Variants in NKAIN2 observed in about 807,000 individuals in gnomAD.
The protein encoded by NKAIN2 is sodium/potassium-transporting ATPase subunit beta-1-interacting protein 2.
Under a neutral mutation model 32.6 loss-of-function variants are expected in NKAIN2, and 14 were observed. The observed-to-expected ratio is 0.43, with a 90% confidence interval of 0.28 to 0.67. The LOEUF (loss-of-function observed/expected upper bound fraction) is 0.67, where lower values mean the gene tolerates loss of function less well. Ranked by LOEUF, NKAIN2 falls within the 30% of genes least tolerant of loss-of-function variation. NKAIN2 has a pLI of 0.17. For missense variants in NKAIN2, 198 were observed against 258.3 expected, an observed-to-expected ratio of 0.77 and a Z score of 1.60; for synonymous variants, 80 against 87.2, an observed-to-expected ratio of 0.92 and a Z score of 0.46.
intron 4 of NKAIN2, among the ~76,000 whole-genome samples, chr6:124,684,157 G>T (rs1340260735): frequency 6.6e-6 from 1 of 152,082 alleles, no homozygotes; most frequent in Non-Finnish European, 1.5e-5. Flanking sequence ...CCTGCAATCT[G>T]GTATCTTCAA....
intron 1 of NKAIN2, among the ~76,000 whole-genome samples, chr6:123,888,820 G>A (rs1773858905): frequency 6.6e-6 from 1 of 152,068 alleles, no homozygotes; most frequent in Non-Finnish European, 1.5e-5. Context: ...CTTAGGGACT[G>A]TCCATACTTG....
intron 3 of NKAIN2, among the ~76,000 whole-genome samples, chr6:124,500,513 G>A: frequency 6.6e-6 from 1 of 152,020 alleles, no homozygotes; most frequent in East Asian, 1.9e-4. Flanking sequence ...AATTAGCTGG[G>A]CGCAATTGCT....
chr6:124,329,273 G>A (rs957086436), intron 2 of NKAIN2, among the ~76,000 whole-genome samples: 4 of 152,174 alleles, frequency 2.6e-5, no homozygotes, highest in African/African-American at 9.7e-5. Flanking sequence ...ATTAGCAAGC[G>A]ATGCCTCATT....
chr6:124,411,733 T>C (rs1774195172), intron 3 of NKAIN2, among the ~76,000 whole-genome samples: 1 of 152,214 alleles, frequency 6.6e-6, no homozygotes, highest in Non-Finnish European at 1.5e-5. Context: ...TGGCCTGCCT[T>C]GCTAGATTGG....
chr6:124,367,395 G>A (rs1162958493), intron 3 of NKAIN2, among the ~76,000 whole-genome samples: 2 of 152,052 alleles, frequency 1.3e-5, no homozygotes, highest in African/African-American at 2.4e-5. Flanking sequence ...TACAGCTGCT[G>A]GGGACTTTTT....
intron 3 of NKAIN2, among the ~76,000 whole-genome samples, chr6:124,602,400 CGAT>C (rs1562278904): frequency 6.6e-6 from 1 of 151,906 alleles, no homozygotes; most frequent in Admixed American, 6.6e-5. Context: ...CAAGTATAAA[CGAT>C]GATTATTTAA....
At chr6:124,319,599 T>C (rs563828086) in intron 2 of NKAIN2, among the ~76,000 whole-genome samples, 1 of 152,268 alleles carries the variant, frequency 6.6e-6, no homozygotes, top group South Asian at 2.1e-4. Context: ...TCTGCTCTTT[T>C]TGAATCTCAG....
At chr6:124,197,202 C>T (rs1164703203) in intron 1 of NKAIN2, among the ~76,000 whole-genome samples, 2 of 151,776 alleles carry the variant, frequency 1.3e-5, no homozygotes, top group Non-Finnish European at 2.9e-5. Context: ...TTATTTTTCT[C>T]TATGCTAAAT....
Position 123,804,073 on chromosome 6 carries a change from G to C in NKAIN2, c.-128G>C, listed in dbSNP as rs1038725887. ...GTCACTTCCCAGGACGCTGGCAGCA[G>C]CAGCAGCCCGGAGCCCCCGAGCCCT... On this transcript the variant is annotated 5_prime_UTR_variant, in exon 1 of 7. Coordinates refer to ENST00000368417, the MANE Select transcript of NKAIN2 (RefSeq NM_001040214.3). 1 of 860,792 alleles carries C rather than the reference G, an allele frequency of 1.2e-6. No homozygotes were observed. Among genetic ancestry groups the C allele is most frequent in the African/African-American group, 1.7e-5 (1 of 60,470 alleles). 53.3% of individuals were successfully genotyped at this position (860,792 alleles called of 1,614,324 possible). A position where few individuals can be genotyped will look rare whatever the true frequency, so the allele number is the denominator to read the frequency against.
chr6:123,809,744 G>T (rs1207089025), intron 1 of NKAIN2, among the ~76,000 whole-genome samples: 1 of 151,944 alleles, frequency 6.6e-6, no homozygotes. Context: ...TATAAAACAG[G>T]CAGTGGGTCT....
chr6:123,997,754 C>G (rs1365753136), intron 1 of NKAIN2, among the ~76,000 whole-genome samples: 1 of 151,726 alleles, frequency 6.6e-6, no homozygotes, highest in African/African-American at 2.4e-5. Flanking sequence ...CAGGCGCCTG[C>G]CACCACGCCC....
chr6:124,245,232 A>G (rs951537538), intron 1 of NKAIN2, among the ~76,000 whole-genome samples: 1 of 152,120 alleles, frequency 6.6e-6, no homozygotes, highest in African/African-American at 2.4e-5. Context: ...CATCTGGTTT[A>G]TTACTTTAGC....
At chr6:123,933,986 C>A (rs1776386920) in intron 1 of NKAIN2, among the ~76,000 whole-genome samples, 1 of 151,546 alleles carries the variant, frequency 6.6e-6, no homozygotes, top group Admixed American at 6.6e-5. Context: ...AGTCTGAATG[C>A]CCATGAAGCC....
At chr6:124,300,851 T>G (rs947122764) in intron 2 of NKAIN2, among the ~76,000 whole-genome samples, 1 of 152,084 alleles carries the variant, frequency 6.6e-6, no homozygotes, top group Non-Finnish European at 1.5e-5. Flanking sequence ...TTTCTAGGTG[T>G]CAAAGTGTTC....
At chr6:124,121,610 T>C (rs997970408) in intron 1 of NKAIN2, among the ~76,000 whole-genome samples, 3 of 152,104 alleles carry the variant, frequency 2.0e-5, no homozygotes, top group African/African-American at 4.8e-5. Flanking sequence ...GAAATGTGTC[T>C]TATGATTAAG....
At chr6:124,200,441 C>T (rs1306349552) in intron 1 of NKAIN2, among the ~76,000 whole-genome samples, 1 of 152,010 alleles carries the variant, frequency 6.6e-6, no homozygotes, top group East Asian at 1.9e-4. Flanking sequence ...CAGAGTAAAG[C>T]CTCTGGATTT....
At chr6:123,909,292 C>T (rs1775044711) in intron 1 of NKAIN2, among the ~76,000 whole-genome samples, 1 of 152,152 alleles carries the variant, frequency 6.6e-6, no homozygotes, top group Non-Finnish European at 1.5e-5. Flanking sequence ...CTCTTGTCCC[C>T]TCTAATTCAT....
At position 123,878,865 on chromosome 6, in the gene NKAIN2, A is replaced by G. The variant is rs559488060; in HGVS notation, c.54+74611A>G. On this transcript the variant is annotated intron_variant, in intron 1 of 6. Transcript: ENST00000368417. ...CCCTGCACCACTCATAGCCTTGCCT[A>G]CCTGGTGGCAAACTACTACTCAGAA... Among the ~76,000 whole-genome samples, 381 of 152,088 alleles carry G rather than the reference A, an allele frequency of 2.5e-3. 1 individual carries two copies. Among genetic ancestry groups the G allele is most frequent in the Non-Finnish European group, 4.2e-3 (288 of 67,994 alleles).
chr6:124,156,032 G>T (rs1475121092), intron 1 of NKAIN2, among the ~76,000 whole-genome samples: 2 of 151,938 alleles, frequency 1.3e-5, no homozygotes, highest in African/African-American at 4.8e-5. Flanking sequence ...GTGGGTAAGT[G>T]CAGTGAAGGG....
Sources: gnomAD v4.1 joint callset for allele counts (sites outside exome capture counted in the v4.1 genomes callset) on GRCh38, gnomAD v4.1.1 for gene constraint, MANE v1.5 for transcripts, NCBI Gene and HGNC (gene_info 2026-07-23, HGNC 2026-07-21) for gene names.